Variants in FAAH2 observed in about 807,000 individuals in gnomAD.
The protein encoded by FAAH2 is fatty acid amide hydrolase 2.
Under a neutral mutation model 36.9 loss-of-function variants are expected in FAAH2, and 60 were observed. The observed-to-expected ratio is 1.63, with a 90% CI of 1.32 to 2.02. The LOEUF is 2.02. FAAH2 is among the 30% of genes most tolerant of loss of function. FAAH2 has a pLI of 0.00. For missense variants in FAAH2, 689 were observed against 397.5 expected (o/e 1.73, Z -6.23); for synonymous variants, 214 against 143.8 (o/e 1.49, Z -3.49).
At chrX:57,477,071 C>T (rs1569371459) in intron 10 of FAAH2, among the ~76,000 whole-genome samples, 1 of 109,665 alleles carries the variant, frequency 9.1e-6, no homozygotes, top group Non-Finnish European at 1.9e-5. Flanking sequence ...TTTATTATGT[C>T]TATTTGTTTG....
the FAAH2 span, among the ~76,000 whole-genome samples, chrX:57,144,549 G>T: frequency 9.3e-6 from 1 of 107,938 alleles, no homozygotes. Flanking sequence ...GGTTTTTGGT[G>T]GAACAGGTGG....
chrX:57,134,476 A>G, the FAAH2 span: 2 of 110,739 alleles, frequency 1.8e-5, no homozygotes, highest in Non-Finnish European at 3.8e-5. Context: ...GGAGCCACCT[A>G]TGGTTTCAGG....
In FAAH2 at chrX:57,394,698, G is replaced by A. The variant is rs748776419; in HGVS notation, c.996+13669G>A. ...CCCATTTGTTTTTTTTATCATCTGG[G>A]ACATAATTGATTCCACAGTTGATGA... On this transcript the variant is annotated intron_variant, in intron 7 of 10. Transcript: ENST00000374900. The A allele has an allele frequency of 6.7e-6, 6 of 890,746 alleles. No homozygotes were observed. In the South Asian group the frequency reaches 1.2e-4, roughly 18 times the overall value. 73.4% of individuals were successfully genotyped at this position (890,746 alleles called of 1,213,427 possible).
chrX:57,224,858 C>T, the FAAH2 span, among the ~76,000 whole-genome samples: 2 of 112,018 alleles, frequency 1.8e-5, no homozygotes, highest in African/African-American at 6.5e-5. Context: ...GATACAAGAA[C>T]CTTACACTAG....
At position 57,286,794 on chromosome X, in the gene FAAH2, A is replaced by G. The variant is rs1349956103; in HGVS notation, c.-32A>G. On this transcript the variant is annotated 5_prime_UTR_variant, in exon 1 of 11. Transcript: ENST00000374900. ...TTTCCCCAGGGTGCACGTAACCCTC[A>G]AGCACTAGGACCGTGCGGAATCCAG... is the stretch of plus-strand genomic sequence containing the variant. The G allele has an allele frequency of 1.8e-6, 2 of 1,095,930 alleles. No individual in the cohort carries two copies. The highest frequency in any genetic ancestry group is 2.4e-6 in the Non-Finnish European group (2 of 835,070). 90.3% of individuals were successfully genotyped at this position (1,095,930 alleles called of 1,213,427 possible). A position where few individuals can be genotyped will look rare whatever the true frequency, so the allele number is the denominator to read the frequency against.
chrX:57,419,986 C>A (rs1179425680), intron 7 of FAAH2, among the ~76,000 whole-genome samples: 3 of 111,557 alleles, frequency 2.7e-5, no homozygotes. Context: ...ATCCTTTCCC[C>A]ATTTCTGGTT....
intron 7 of FAAH2, among the ~76,000 whole-genome samples, chrX:57,416,869 A>G (rs755327009): frequency 2.7e-5 from 3 of 112,004 alleles, no homozygotes; most frequent in Non-Finnish European, 5.6e-5. Context: ...ACACCAATCA[A>G]ACGTAGGTTT....
At chrX:57,443,544 C>T (rs941528225) in intron 8 of FAAH2, among the ~76,000 whole-genome samples, 5 of 111,629 alleles carry the variant, frequency 4.5e-5, no homozygotes, top group South Asian at 3.8e-4. Context: ...TTCTTTGTGA[C>T]GCGTTCGAAG....
intron 7 of FAAH2, among the ~76,000 whole-genome samples, chrX:57,396,494 C>T (rs779053476): frequency 1.9e-5 from 2 of 107,630 alleles, no homozygotes; most frequent in Admixed American, 1.0e-4. Flanking sequence ...CCTCTTAATA[C>T]TGCTATTGTT....
rs770040896 is a variant in FAAH2 at position 57,306,994 on chromosome X, G to GATATAT, written c.276-3596_276-3595insTATATA. ...ACACGTATACACACACACACACACA[G>GATATAT]ATACATATATATATATATATATAGC... is the stretch of plus-strand genomic sequence containing the variant. On this transcript the variant is annotated intron_variant, in intron 2 of 10. Transcript: ENST00000374900. 9.4e-3 allele frequency among the ~76,000 whole-genome samples: 290 copies of GATATAT among 30,992 alleles called. 64 individuals carry two copies. The highest frequency in any genetic ancestry group is 0.076 in the South Asian group (14 of 184). The allele number at this position is 30,992 out of a possible 115,157, so 26.9% of individuals were successfully genotyped here.
intron 3 of FAAH2, among the ~76,000 whole-genome samples, chrX:57,312,792 A>G (rs1057401500): frequency 8.9e-6 from 1 of 112,002 alleles, no homozygotes; most frequent in African/African-American, 3.2e-5. Flanking sequence ...ATATTAGAAT[A>G]AATCAGTGCA....
intron 4 of FAAH2, among the ~76,000 whole-genome samples, chrX:57,336,324 TG>T (rs1478916660): frequency 5.6e-5 from 6 of 108,037 alleles, no homozygotes; most frequent in Admixed American, 1.0e-4. Context: ...TCCTATAAAA[TG>T]GCCCCACCCC....
At chrX:57,271,336 C>G in the FAAH2 span, among the ~76,000 whole-genome samples, 2 of 112,382 alleles carry the variant, frequency 1.8e-5, no homozygotes, top group African/African-American at 6.5e-5. Flanking sequence ...CAGTCAGGGG[C>G]TTATAGCAGA....
intron 10 of FAAH2, chrX:57,452,342 A>G: frequency 8.0e-6 from 6 of 752,709 alleles, no homozygotes; most frequent in Non-Finnish European, 9.4e-6. Flanking sequence ...GCCACTCTCA[A>G]GAGTCCCTCT....
At chrX:57,153,883 TC>T in the FAAH2 span, among the ~76,000 whole-genome samples, 1 of 112,597 alleles carries the variant, frequency 8.9e-6, no homozygotes, top group South Asian at 3.6e-4. Flanking sequence ...TCTTTGAGCT[TC>T]TTGTATTTGG....
At chrX:57,182,979 G>A in the FAAH2 span, among the ~76,000 whole-genome samples, 9 of 110,593 alleles carry the variant, frequency 8.1e-5, no homozygotes, top group Non-Finnish European at 1.3e-4. Flanking sequence ...TTTGTAAGTG[G>A]AAGCTAAATG....
chrX:57,228,298 A>G, the FAAH2 span, among the ~76,000 whole-genome samples: 1 of 111,234 alleles, frequency 9.0e-6, no homozygotes, highest in Non-Finnish European at 1.9e-5. Flanking sequence ...TTGGGGATCC[A>G]GCGAGCTCCC....
chrX:57,442,411 A>G (rs1013725329), intron 8 of FAAH2, among the ~76,000 whole-genome samples: 2 of 111,106 alleles, frequency 1.8e-5, no homozygotes, highest in Non-Finnish European at 3.8e-5. Flanking sequence ...AGTCTGTTTT[A>G]TCAGAGACTA....
chrX:57,251,540 T>C, the FAAH2 span, among the ~76,000 whole-genome samples: 21 of 111,652 alleles, frequency 1.9e-4, no homozygotes, highest in African/African-American at 6.5e-5. Context: ...TCATCCAAAT[T>C]GGAAACGAGT....
Sources: gnomAD v4.1 joint callset for allele counts (sites outside exome capture counted in the v4.1 genomes callset) on GRCh38, gnomAD v4.1.1 for gene constraint, MANE v1.5 for transcripts, NCBI Gene and HGNC (gene_info 2026-07-23, HGNC 2026-07-21) for gene names.